GNG2: variants seen among roughly 807,000 people sequenced by gnomAD.
The protein encoded by GNG2 is guanine nucleotide-binding protein G(I)/G(S)/G(O) subunit gamma-2.
A neutral mutation model predicts 5.5 loss-of-function variants in GNG2; 5 were observed. The ratio of observed to expected loss-of-function variants is 0.91; its 90% CI spans 0.48 to 1.92. The LOEUF is 1.92. Ranked by LOEUF, GNG2 falls within the 30% of genes most tolerant of loss-of-function variation. The pLI, the probability that GNG2 is intolerant of heterozygous loss-of-function variation, is 0.01. For synonymous variants in GNG2, 28 were observed against 32.0 expected, an observed-to-expected ratio of 0.88 and a Z score of 0.42; for missense variants, 55 against 88.4, an observed-to-expected ratio of 0.62 and a Z score of 1.52.
chr14:51,936,485 A>T (rs1293248914), intron 2 of GNG2, among the ~76,000 whole-genome samples: 2 of 150,872 alleles, frequency 1.3e-5, no homozygotes, highest in Non-Finnish European at 2.9e-5. Context: ...ATATATACAC[A>T]GTTGTCAACC....
intron 2 of GNG2, among the ~76,000 whole-genome samples, chr14:51,932,685 G>T (rs1009786647): frequency 1.3e-5 from 2 of 152,128 alleles, no homozygotes; most frequent in African/African-American, 4.8e-5. Context: ...GCAGATCACC[G>T]AAGTCAAGTG....
At chr14:51,959,748 T>A (rs1889484388) in intron 3 of GNG2, among the ~76,000 whole-genome samples, 1 of 152,140 alleles carries the variant, frequency 6.6e-6, no homozygotes, top group African/African-American at 2.4e-5. Context: ...TTTTCTTAAT[T>A]AAGCTGAACT....
intron 2 of GNG2, among the ~76,000 whole-genome samples, chr14:51,846,028 A>G (rs1959523): frequency 0.71 from 108,024 of 152,060 alleles, 40,810 homozygotes; most frequent in East Asian, 0.97. Context: ...TAGGTATTAC[A>G]AAATGACCTT....
At chr14:51,932,735 A>G (rs1887740070) in intron 2 of GNG2, among the ~76,000 whole-genome samples, 1 of 152,252 alleles carries the variant, frequency 6.6e-6, no homozygotes, top group Admixed American at 6.5e-5. Flanking sequence ...CCATTGTGTT[A>G]AATACTGCTG....
At chr14:51,935,765 T>G (rs868187114) in intron 2 of GNG2, among the ~76,000 whole-genome samples, 2 of 152,130 alleles carry the variant, frequency 1.3e-5, no homozygotes, top group African/African-American at 4.8e-5. Flanking sequence ...GCTCGGTTTT[T>G]GGGGAGGTTG....
In GNG2 at chr14:51,942,589, C is replaced by CTTTCTTTCT. The variant is rs761049973; in HGVS notation, c.-29-8058_-29-8057insCTTTCTTTT. On this transcript the variant is annotated intron_variant, in intron 2 of 3. Transcript: ENST00000556766. ...ATTTTTTCTCTTTCTTTCTTTCTTT[C>CTTTCTTTCT]TTTTTTTTTTTTTTTTTAGAGACAG... is the stretch of plus-strand genomic sequence containing the variant. 3.5e-3 allele frequency among the ~76,000 whole-genome samples: 285 copies of CTTTCTTTCT among 81,132 alleles called. 3 individuals carry two copies. The highest frequency in any genetic ancestry group is 0.012 in the African/African-American group (206 of 16,904). The allele number at this position is 81,132 out of a possible 152,430, so 53.2% of individuals were successfully genotyped here.
intron 2 of GNG2, among the ~76,000 whole-genome samples, chr14:51,886,788 C>T (rs995746964): frequency 1.3e-5 from 2 of 152,182 alleles, no homozygotes; most frequent in Non-Finnish European, 2.9e-5. Context: ...CCTGCTCATG[C>T]TCCTCATTGG....
At chr14:51,840,093 G>A (rs1335620607) in intron 2 of GNG2, among the ~76,000 whole-genome samples, 1 of 152,198 alleles carries the variant, frequency 6.6e-6, no homozygotes, top group African/African-American at 2.4e-5. Context: ...AAGAGTACCT[G>A]TAAGAATGGC....
At chr14:51,918,937 G>T (rs1254133555) in intron 2 of GNG2, among the ~76,000 whole-genome samples, 2 of 152,138 alleles carry the variant, frequency 1.3e-5, no homozygotes, top group African/African-American at 4.8e-5. Context: ...CAATTCTCCT[G>T]CCTCAGCCTT....
chr14:51,931,304 G>C lies in GNG2; in HGVS notation c.-29-19346G>C, dbSNP rs924477310. Among the ~76,000 whole-genome samples the C allele has an allele frequency of 2.6e-5, 4 of 152,284 alleles. No individual in the cohort carries two copies. The East Asian group carries it at 7.7e-4, about 29-fold the overall frequency. Reference sequence around the variant, plus strand: ...AGAAGACTGTCAAAGTTTTTAATCTGAGCAATCAGAAGAAATTGAGCTGCC... The same window carrying C: ...AGAAGACTGTCAAAGTTTTTAATCTCAGCAATCAGAAGAAATTGAGCTGCC... On this transcript the variant is annotated intron_variant, in intron 2 of 3. Coordinates refer to ENST00000556766, the MANE Select transcript of GNG2 (RefSeq NM_053064.5).
chr14:51,941,509 A>G (rs1056258954), intron 2 of GNG2, among the ~76,000 whole-genome samples: 21 of 152,344 alleles, frequency 1.4e-4, no homozygotes, highest in African/African-American at 5.0e-4. Flanking sequence ...GTCCTGAGAA[A>G]CATACAGTTG....
At chr14:51,928,218 G>A (rs1056281511) in intron 2 of GNG2, among the ~76,000 whole-genome samples, 3 of 151,828 alleles carry the variant, frequency 2.0e-5, no homozygotes, top group Admixed American at 1.3e-4. Flanking sequence ...TTTTAGTAGA[G>A]ACGGGGTTTC....
intron 3 of GNG2, among the ~76,000 whole-genome samples, chr14:51,963,693 G>A (rs781355189): frequency 6.6e-6 from 1 of 152,114 alleles, no homozygotes; most frequent in Non-Finnish European, 1.5e-5. Flanking sequence ...CAACACATTC[G>A]AGTTCAAGTT....
At chr14:51,929,609 A>G (rs1412027745) in intron 2 of GNG2, among the ~76,000 whole-genome samples, 3 of 152,258 alleles carry the variant, frequency 2.0e-5, no homozygotes, top group African/African-American at 4.8e-5. Flanking sequence ...GGGGTTAATG[A>G]ATAGACAAGT....
At chr14:51,860,565 C>T (rs1882396254), upstream of GNG2, 1 of 152,504 alleles carries the variant, frequency 6.6e-6, no homozygotes, top group South Asian at 2.1e-4. Flanking sequence ...AGATGCGCTG[C>T]TTCCTGTAGA....
chr14:51,847,132 GC>G (rs1191042718), intron 2 of GNG2: 4 of 152,218 alleles, frequency 2.6e-5, no homozygotes, highest in South Asian at 4.1e-4. Flanking sequence ...AACAACAAAC[GC>G]CCGTTGGCAT....
intron 3 of GNG2, among the ~76,000 whole-genome samples, chr14:51,955,987 A>G (rs1160378587): frequency 6.6e-6 from 1 of 152,188 alleles, no homozygotes; most frequent in Non-Finnish European, 1.5e-5. Flanking sequence ...CATCCTTGGA[A>G]CTAGAGAGAG....
intron 2 of GNG2, among the ~76,000 whole-genome samples, chr14:51,926,146 G>T (rs1229166882): frequency 6.6e-6 from 1 of 151,678 alleles, no homozygotes; most frequent in Non-Finnish European, 1.5e-5. Context: ...AATTTTTAAA[G>T]AAACAGTATT....
chr14:51,906,757 C>CTTTTTTTTTTTTTTTTTTTTTTT (rs34240079), intron 2 of GNG2, among the ~76,000 whole-genome samples: 1 of 105,308 alleles, frequency 9.5e-6, no homozygotes. Context: ...TGGAGAATCT[C>CTTTTTTTTTTTTTTTTTTTTTTT]TTTTTTTTTT....
Sources: allele counts gnomAD v4.1 joint callset (sites outside exome capture counted in the v4.1 genomes callset), GRCh38; gene constraint gnomAD v4.1.1; transcripts MANE v1.5; gene names NCBI Gene and HGNC (gene_info 2026-07-23, HGNC 2026-07-21).